Variants in ARHGEF12 observed in about 807,000 individuals in gnomAD.
ARHGEF12 encodes KMT2A/ARHGEF12 fusion protein.
A neutral mutation model predicts 211.2 loss-of-function variants in ARHGEF12; 66 were observed. The observed-to-expected ratio is 0.31, with a 90% confidence interval of 0.26 to 0.38. The LOEUF (loss-of-function observed/expected upper bound fraction) is 0.38, where lower values mean the gene tolerates loss of function less well. Among genes scored for constraint, ARHGEF12 ranks in the 10% least tolerant of loss-of-function variants. ARHGEF12 has a pLI of 1.00. For synonymous variants in ARHGEF12, 592 were observed against 638.4 expected, an observed-to-expected ratio of 0.93 and a Z score of 1.09; for missense variants, 1,429 against 1,869.5, an observed-to-expected ratio of 0.76 and a Z score of 4.34.
chr11:120,438,095 C>A (rs1177720266), intron 12 of ARHGEF12, among the ~76,000 whole-genome samples: 2 of 152,144 alleles, frequency 1.3e-5, no homozygotes, highest in East Asian at 1.9e-4. Context: ...TTCTTAATTG[C>A]ATGCTTTTAA....
intron 28 of ARHGEF12, among the ~76,000 whole-genome samples, chr11:120,466,144 G>A (rs1175650833): frequency 6.6e-6 from 1 of 152,256 alleles, no homozygotes; most frequent in Non-Finnish European, 1.5e-5. Context: ...GTATGGTTTA[G>A]CAGGTTCCTC....
At chr11:120,409,867 G>A (rs1462882428) in intron 4 of ARHGEF12, 2 of 155,308 alleles carry the variant, frequency 1.3e-5, no homozygotes, top group Non-Finnish European at 2.9e-5. Context: ...GTATAATACT[G>A]GTGTAATTTA....
intron 1 of ARHGEF12, among the ~76,000 whole-genome samples, chr11:120,343,342 A>C (rs2135245556): frequency 6.6e-6 from 1 of 152,324 alleles, no homozygotes; most frequent in Admixed American, 6.5e-5. Flanking sequence ...AACATGCCAA[A>C]TTTAGAGCAT....
At chr11:120,432,948 A>G (rs985924202) in intron 11 of ARHGEF12, among the ~76,000 whole-genome samples, 2 of 152,134 alleles carry the variant, frequency 1.3e-5, no homozygotes, top group Non-Finnish European at 2.9e-5. Flanking sequence ...AGGTAGTGAT[A>G]GGAGTCTTGT....
At chr11:120,380,583 A>G (rs1226034538) in intron 1 of ARHGEF12, among the ~76,000 whole-genome samples, 3 of 152,210 alleles carry the variant, frequency 2.0e-5, no homozygotes, top group African/African-American at 7.2e-5. Context: ...GTTTTTGGAA[A>G]GAATCCTCTT....
intron 22 of ARHGEF12, among the ~76,000 whole-genome samples, chr11:120,455,280 T>C (rs1481765775): frequency 1.3e-5 from 2 of 152,152 alleles, no homozygotes; most frequent in East Asian, 3.9e-4. Context: ...GAACCATCTA[T>C]AGTGAATGCT....
chr11:120,455,908 TG>T (rs1461694634), intron 22 of ARHGEF12, among the ~76,000 whole-genome samples: 2 of 152,146 alleles, frequency 1.3e-5, no homozygotes. Context: ...GATTTAAACA[TG>T]AAGCAAAATA....
intron 35 of ARHGEF12, 34 bp downstream of exon 35, chr11:120,477,339 T>C: frequency 6.2e-7 from 1 of 1,610,816 alleles, no homozygotes; most frequent in Non-Finnish European, 8.5e-7. Flanking sequence ...TAGGACTTAT[T>C]TTATGTTTTG....
At chr11:120,402,303 G>A (rs925974306) in intron 1 of ARHGEF12, among the ~76,000 whole-genome samples, 1 of 152,064 alleles carries the variant, frequency 6.6e-6, no homozygotes, top group African/African-American at 2.4e-5. Context: ...ATCGTCTTAC[G>A]ATGGTTGAGC....
chr11:120,470,141 GTCT>G (rs1340885590), intron 30 of ARHGEF12, among the ~76,000 whole-genome samples: 1 of 152,182 alleles, frequency 6.6e-6, no homozygotes, highest in East Asian at 1.9e-4. Context: ...ATTTTGATTT[GTCT>G]TCTTAAGTGC....
At chr11:120,346,876 C>T (rs1942744260) in intron 1 of ARHGEF12, among the ~76,000 whole-genome samples, 1 of 152,148 alleles carries the variant, frequency 6.6e-6, no homozygotes, top group South Asian at 2.1e-4. Context: ...ATCATAATTT[C>T]ACTTACAAGT....
Position 120,477,521 on chromosome 11 carries a change from G to T in ARHGEF12, c.3527G>T (p.Ser1176Ile), listed in dbSNP as rs1947082148. The change falls in exon 36 of 41, where the codon AGT becomes ATT. Residue 1176 changes from serine (S) to isoleucine (I), a missense_variant. This residue lies in a region of ARHGEF12 where 467 missense variants were observed against 468.4 expected (regional missense o/e 1.00). Transcript: ENST00000397843. ...GGCATTTCAGTCACTGGTTTGCAGA[G>T]TCCAGGTACACTCTTCTGAAGAGTT... The part of the protein sequence containing the change: ...QHGISVTGLQ[S>I]PDRDLGLEST... 2 of 1,611,514 alleles carry T rather than the reference G, an allele frequency of 1.2e-6. No homozygotes were observed. The highest frequency in any genetic ancestry group is 1.8e-4 in the Middle Eastern group (1 of 5,406).
Position 120,366,888 on chromosome 11 carries a change from C to T in ARHGEF12, c.32+29613C>T, listed in dbSNP as rs191622451. ...AAAATTAGCTGGGCGTGGTGGCACA[C>T]GCCTGCAATCCCAGCTACTTGGGAG... On this transcript the variant is annotated intron_variant, in intron 1 of 40. Coordinates refer to ENST00000397843, the MANE Select transcript of ARHGEF12 (RefSeq NM_015313.3). 7.2e-5 allele frequency among the ~76,000 whole-genome samples: 11 copies of T among 152,216 alleles called. No homozygotes were observed. In the East Asian group the frequency reaches 9.7e-4, roughly 13 times the overall value.
At chr11:120,421,151 T>A (rs540765617) in intron 5 of ARHGEF12, among the ~76,000 whole-genome samples, 1 of 152,336 alleles carries the variant, frequency 6.6e-6, no homozygotes, top group African/African-American at 2.4e-5. Flanking sequence ...ATGGCACCAC[T>A]GATATTTTGG....
rs573852518 is a variant in ARHGEF12 at position 120,398,025 on chromosome 11, TAAAG to T, written c.33-8088_33-8085del. Among the ~76,000 whole-genome samples, 20 of 152,286 alleles carry T rather than the reference TAAAG, an allele frequency of 1.3e-4. No homozygotes were observed. In the East Asian group the frequency reaches 1.9e-3, roughly 15 times the overall value. On this transcript the variant is annotated intron_variant, in intron 1 of 40. Coordinates refer to ENST00000397843, the MANE Select transcript of ARHGEF12 (RefSeq NM_015313.3). The stretch of plus-strand genomic sequence containing the variant: ...GTTTATACGTGTACTTCTTTGGACA[TAAAG>T]AAAGTGAGACATTTCTTCATATTGA...
chr11:120,357,534 G>A (rs1943163030), intron 1 of ARHGEF12, among the ~76,000 whole-genome samples: 1 of 152,152 alleles, frequency 6.6e-6, no homozygotes, highest in Non-Finnish European at 1.5e-5. Context: ...GTAGTTACTG[G>A]ACAGGTAAGG....
rs1013548019 is a variant in ARHGEF12 at position 120,475,198 on chromosome 11, T to A, written c.3110-142T>A. On this transcript the variant is annotated intron_variant, in intron 32 of 40. Transcript: ENST00000397843. ...TAAAAATGAATTACTGAAAATGAAA[T>A]TTTAAAAGATAATATACAAGTCAAT... The A allele has an allele frequency of 7.0e-6, 5 of 714,494 alleles. No homozygotes were observed. In the African/African-American group the frequency reaches 9.0e-5, roughly 13 times the overall value. 44.3% of individuals were successfully genotyped at this position (714,494 alleles called of 1,614,324 possible).
rs763185435 is a variant in ARHGEF12, at chr11:120,467,255, T to C, written c.2801T>C (p.Met934Thr). 1 of 1,613,802 alleles carries C rather than the reference T, an allele frequency of 6.2e-7. No individual in the cohort carries two copies. Among genetic ancestry groups the C allele is most frequent in the Middle Eastern group, 1.7e-4 (1 of 6,060 alleles). ...CTGAAGGATATTATTCCCACTCAAA[T>C]GCAAAGGCTTACTAAGTACCCACTT... The part of the protein sequence containing the change: ...LQLKDIIPTQ[M>T]QRLTKYPLLL... Residue 934 changes from methionine to threonine, a missense_variant, in exon 29 of 41, where the codon ATG becomes ACG. Physicochemically the swap from Met to Thr is moderately conservative, Grantham distance 81 (BLOSUM62 -1). Transcript: ENST00000397843.
intron 1 of ARHGEF12, among the ~76,000 whole-genome samples, chr11:120,391,278 A>G (rs533511032): frequency 6.6e-6 from 1 of 152,312 alleles, no homozygotes; most frequent in African/African-American, 2.4e-5. Context: ...ATTTTTTTCT[A>G]ATAAGAATTA....
Sources: gnomAD v4.1 joint callset for allele counts (sites outside exome capture counted in the v4.1 genomes callset) on GRCh38, gnomAD v4.1.1 for gene constraint, gnomAD v4.1.1 regional missense constraint, MANE v1.5 for transcripts, NCBI Gene and HGNC (gene_info 2026-07-23, HGNC 2026-07-21) for gene names.